KSR2: variants seen among roughly 807,000 people sequenced by gnomAD.
KSR2 encodes kinase suppressor of ras 2.
Under a neutral mutation model 107.8 loss-of-function variants are expected in KSR2, and 25 were observed. The ratio of observed to expected loss-of-function variants is 0.23; its 90% CI spans 0.17 to 0.32. The LOEUF (loss-of-function observed/expected upper bound fraction) is 0.32, where lower values mean the gene tolerates loss of function less well. KSR2 is among the 10% of genes least tolerant of loss of function. The pLI is 1.00. For synonymous variants in KSR2, 480 were observed against 507.0 expected (o/e 0.95, Z 0.71); for missense variants, 887 against 1,268.9 (o/e 0.70, Z 4.57).
chr12:117,897,752 T>C lies in KSR2; in HGVS notation c.181-37321A>G, dbSNP rs539832427. 1.1e-4 allele frequency among the ~76,000 whole-genome samples: 17 copies of C among 152,152 alleles called. No individual in the cohort carries two copies. Among genetic ancestry groups the C allele is most frequent in the Non-Finnish European group, 5.9e-5 (4 of 68,014 alleles). ...AAACCTGCTGATCCGAGAACCTGAA[T>C]GCAGCAGAAACCACCAAGCAGATGC... On this transcript the variant is annotated intron_variant, in intron 1 of 19. Transcript: ENST00000339824. This position sits in a 1 kb window ranked among gnomAD's most constrained non-coding sequence, Gnocchi z 4.5.
chr12:117,706,447 C>T (rs1886534345), intron 4 of KSR2, among the ~76,000 whole-genome samples: 1 of 152,174 alleles, frequency 6.6e-6, no homozygotes, highest in African/African-American at 2.4e-5. Flanking sequence ...TGCCTGTCTT[C>T]TGTTCACATT....
intron 12 of KSR2, among the ~76,000 whole-genome samples, chr12:117,530,652 C>T (rs944982020): frequency 1.1e-4 from 16 of 152,106 alleles, no homozygotes; most frequent in Non-Finnish European, 1.8e-4. Context: ...CCTTAGGAAA[C>T]GGTCCAGCCC....
intron 1 of KSR2, among the ~76,000 whole-genome samples, chr12:117,934,918 T>G (rs1018709763): frequency 2.0e-5 from 3 of 151,914 alleles, no homozygotes; most frequent in Non-Finnish European, 4.4e-5. Flanking sequence ...CTTGAACTCC[T>G]GGGTTCAAGG....
intron 5 of KSR2, among the ~76,000 whole-genome samples, chr12:117,613,398 A>T (rs1349030200): frequency 6.6e-6 from 1 of 152,162 alleles, no homozygotes; most frequent in Admixed American, 6.5e-5. Context: ...ACTTTCAGCT[A>T]CTGGCCCTGT....
chr12:117,467,774 T>C, intron 19 of KSR2: 1 of 429,696 alleles, frequency 2.3e-6, no homozygotes, highest in Non-Finnish European at 4.5e-6. Flanking sequence ...ACTGCTGTAT[T>C]CTCACTCTTA....
chr12:117,460,625 C>T lies in KSR2; in HGVS notation c.*6574G>A, dbSNP rs1306560776. On this transcript the variant is annotated 3_prime_UTR_variant, in exon 20 of 20. Transcript: ENST00000339824. ...ACAACTTCCTGCTTTTCCTCTCTCT[C>T]TTTCCTGGTTCCAAGTTGCCAATAA... 1.3e-5 allele frequency: 2 copies of T among 152,418 alleles called. No homozygotes were observed. Among genetic ancestry groups the T allele is most frequent in the East Asian group, 3.9e-4 (2 of 5,194 alleles). 9.4% of individuals were successfully genotyped at this position (152,418 alleles called of 1,614,324 possible). A position where few individuals can be genotyped will look rare whatever the true frequency, so the allele number is the denominator to read the frequency against.
intron 4 of KSR2, among the ~76,000 whole-genome samples, chr12:117,738,099 C>T (rs916066497): frequency 1.3e-5 from 2 of 152,232 alleles, no homozygotes; most frequent in South Asian, 4.1e-4. Context: ...ATCCCGGAAG[C>T]AGAAGGACTC....
intron 4 of KSR2, among the ~76,000 whole-genome samples, chr12:117,709,356 C>G (rs1886658307): frequency 6.6e-6 from 1 of 152,154 alleles, no homozygotes; most frequent in African/African-American, 2.4e-5. Context: ...TTTTCTGAGA[C>G]AGGGTCTCAC....
chr12:117,483,898 C>T (rs532393467), intron 16 of KSR2, among the ~76,000 whole-genome samples: 1 of 152,304 alleles, frequency 6.6e-6, no homozygotes, highest in South Asian at 2.1e-4. Flanking sequence ...ATCAACAAAC[C>T]TACCACTTTT....
At chr12:117,704,006 T>C (rs1262799696) in intron 4 of KSR2, among the ~76,000 whole-genome samples, 1 of 152,226 alleles carries the variant, frequency 6.6e-6, no homozygotes, top group Non-Finnish European at 1.5e-5. Context: ...GGTAAGAGCT[T>C]AGCCTTATTT....
rs1382455298 is a variant in KSR2, at chr12:117,760,666, G to C, written c.986+345C>G. On this transcript the variant is annotated intron_variant, in intron 4 of 19. Coordinates refer to ENST00000339824, the MANE Select transcript of KSR2 (RefSeq NM_173598.6). ...ATGGTAAATACTTTCAGCTTTGTGG[G>C]CTATTCTCACTCTGCCATTGTCACA... Among the ~76,000 whole-genome samples, 12 of 152,156 alleles carry C rather than the reference G, an allele frequency of 7.9e-5. No homozygotes were observed. In the South Asian group the frequency reaches 2.5e-3, roughly 32 times the overall value.
chr12:117,939,711 C>CAAACAAA (rs554344039), intron 1 of KSR2, among the ~76,000 whole-genome samples: 68 of 142,444 alleles, frequency 4.8e-4, no homozygotes, highest in African/African-American at 1.7e-3. Flanking sequence ...GACTCCATCT[C>CAAACAAA]AAACAAAAAA....
At chr12:117,626,501 G>A (rs1281675951) in intron 5 of KSR2, among the ~76,000 whole-genome samples, 2 of 152,174 alleles carry the variant, frequency 1.3e-5, no homozygotes, top group East Asian at 1.9e-4. Context: ...CAGTTTCCAT[G>A]TAGTTGTGCA....
chr12:117,925,131 T>C (rs1258514644), intron 1 of KSR2, among the ~76,000 whole-genome samples: 2 of 151,658 alleles, frequency 1.3e-5, no homozygotes, highest in African/African-American at 4.8e-5. Context: ...TTCTTTCTTT[T>C]TTTTTTTTTT....
Position 117,968,375 on chromosome 12 carries a change from G to A in KSR2, c.-120C>T. On this transcript the variant is annotated 5_prime_UTR_variant, in exon 1 of 20. Transcript: ENST00000339824. Reference sequence around the variant, plus strand: ...CTGCGACTTCTCAACAATGTCTCATGAAGAAGAAATCCAACATCTCACACA... The same window carrying A: ...CTGCGACTTCTCAACAATGTCTCATAAAGAAGAAATCCAACATCTCACACA... 7.2e-7 allele frequency: 1 copy of A among 1,387,266 alleles called. No homozygotes were observed. The highest frequency in any genetic ancestry group is 9.3e-7 in the Non-Finnish European group (1 of 1,077,986). 85.9% of individuals were successfully genotyped at this position (1,387,266 alleles called of 1,614,324 possible). A position where few individuals can be genotyped will look rare whatever the true frequency, so the allele number is the denominator to read the frequency against.
At chr12:117,766,778 G>T (rs1889243682) in intron 3 of KSR2, among the ~76,000 whole-genome samples, 1 of 151,752 alleles carries the variant, frequency 6.6e-6, no homozygotes, top group South Asian at 2.1e-4. Flanking sequence ...GACAGCAGAA[G>T]GATGGTAAGA....
At chr12:117,572,719 GA>G (rs1323452131) in intron 7 of KSR2, among the ~76,000 whole-genome samples, 1 of 148,740 alleles carries the variant, frequency 6.7e-6, no homozygotes, top group African/African-American at 2.5e-5. Context: ...AAAAAAAAGA[GA>G]AAAGAAAAAG....
rs530948108 is a variant in KSR2 at position 117,719,418 on chromosome 12, A to C, written c.986+41593T>G. On this transcript the variant is annotated intron_variant, in intron 4 of 19. Transcript: ENST00000339824. ...ACCATGTTGGCCAGACTGGTCCTGA[A>C]CTCCTGACCTCAGGTGATCTGCCCA... Among the ~76,000 whole-genome samples the C allele has an allele frequency of 1.1e-4, 17 of 152,188 alleles. 1 individual carries two copies. The highest frequency in any genetic ancestry group is 3.9e-4 in the African/African-American group (16 of 41,540).
chr12:117,493,985 ACCT>A (rs1461990904), intron 14 of KSR2, among the ~76,000 whole-genome samples: 1 of 151,774 alleles, frequency 6.6e-6, no homozygotes, highest in Non-Finnish European at 1.5e-5. Flanking sequence ...GTCCAATTAA[ACCT>A]CTTTTTCTTC....
Sources: gnomAD v4.1 joint callset for allele counts (sites outside exome capture counted in the v4.1 genomes callset) on GRCh38, gnomAD v4.1.1 for gene constraint, Gnocchi (gnomAD v3.1) non-coding constraint, MANE v1.5 for transcripts, NCBI Gene and HGNC (gene_info 2026-07-23, HGNC 2026-07-21) for gene names.